The following DGKB variants were observed in gnomAD, a reference collection of about 807,000 sequenced individuals.
DGKB encodes the protein 90 kDa diacylglycerol kinase.
A neutral mutation model predicts 114.3 loss-of-function variants in DGKB; 67 were observed. The ratio of observed to expected loss-of-function variants is 0.59; its 90% confidence interval spans 0.48 to 0.72. The LOEUF (loss-of-function observed/expected upper bound fraction) is 0.72, where lower values mean the gene tolerates loss of function less well. Among genes scored for constraint, DGKB ranks in the 30% least tolerant of loss-of-function variants. DGKB has a pLI of 0.00. For synonymous variants in DGKB, 398 were observed against 323.1 expected (o/e 1.23, Z -2.49); for missense variants, 907 against 975.2 (o/e 0.93, Z 0.93).
At chr7:14,601,492 C>T (rs1803540240) in intron 17 of DGKB, among the ~76,000 whole-genome samples, 1 of 152,150 alleles carries the variant, frequency 6.6e-6, no homozygotes, top group South Asian at 2.1e-4. Context: ...ATCATAAACA[C>T]ATTTCTCTTT....
intron 2 of DGKB, among the ~76,000 whole-genome samples, chr7:14,759,918 T>A (rs1428081247): frequency 1.3e-5 from 2 of 152,202 alleles, no homozygotes; most frequent in African/African-American, 4.8e-5. Flanking sequence ...TTGCCAAAAC[T>A]TGTTATTTTC....
chr7:14,669,417 T>G (rs900636443), intron 13 of DGKB, among the ~76,000 whole-genome samples: 1 of 152,258 alleles, frequency 6.6e-6, no homozygotes, highest in African/African-American at 2.4e-5. Context: ...CTGTCAAGTG[T>G]CTACTGCCTC....
intron 25 of DGKB, among the ~76,000 whole-genome samples, chr7:14,158,697 T>C (rs1352538610): frequency 1.3e-5 from 2 of 152,182 alleles, no homozygotes; most frequent in Non-Finnish European, 2.9e-5. Context: ...TTTCTAACAA[T>C]GTGCTTAAGG....
chr7:14,449,188 G>C (rs1447012162), intron 21 of DGKB, among the ~76,000 whole-genome samples: 1 of 151,982 alleles, frequency 6.6e-6, no homozygotes, highest in Admixed American at 6.6e-5. Flanking sequence ...AACTCAGCAA[G>C]TAATTTTAGT....
intron 23 of DGKB, among the ~76,000 whole-genome samples, chr7:14,232,056 C>T (rs1380782320): frequency 1.3e-5 from 2 of 151,948 alleles, no homozygotes; most frequent in Admixed American, 1.3e-4. Context: ...TCCCGGTTTG[C>T]TAAGGACCAC....
At chr7:14,947,913 GTGA>G (rs545959421) in intron 1 of DGKB, among the ~76,000 whole-genome samples, 80 of 151,570 alleles carry the variant, frequency 5.3e-4, no homozygotes, top group Middle Eastern at 6.8e-3. Context: ...CCAAAATATT[GTGA>G]TGATTGAAAG....
intron 2 of DGKB, among the ~76,000 whole-genome samples, chr7:14,771,292 T>C (rs1355897853): frequency 3.9e-5 from 6 of 152,082 alleles, no homozygotes; most frequent in Admixed American, 1.3e-4. Context: ...TAATTTTCAG[T>C]TGGTCTGGTG....
intron 23 of DGKB, among the ~76,000 whole-genome samples, chr7:14,279,744 G>A (rs1178458626): frequency 6.6e-6 from 1 of 151,002 alleles, no homozygotes; most frequent in Non-Finnish European, 1.5e-5. Flanking sequence ...CTCCAGCAGG[G>A]GCACACTGAC....
At chr7:14,598,455 ATTAACTATTAATT>A (rs1802969133) in intron 17 of DGKB, among the ~76,000 whole-genome samples, 1 of 152,220 alleles carries the variant, frequency 6.6e-6, no homozygotes, top group African/African-American at 2.4e-5. Context: ...GGGGCAGAGA[ATTAACTATTAATT>A]TTAAAGCAGA....
At chr7:14,777,666 T>C (rs956231145) in intron 2 of DGKB, among the ~76,000 whole-genome samples, 1 of 152,294 alleles carries the variant, frequency 6.6e-6, no homozygotes, top group East Asian at 1.9e-4. Flanking sequence ...GAACTGTGAG[T>C]CCATTAAATC....
At chr7:14,736,853 A>G (rs770887935) in intron 4 of DGKB, among the ~76,000 whole-genome samples, 14 of 152,202 alleles carry the variant, frequency 9.2e-5, no homozygotes, top group Non-Finnish European at 2.1e-4. Flanking sequence ...AAGGTTCTCC[A>G]TGCCCATTAG....
At chr7:14,968,273 CTT>C (rs1562911408) in intron 1 of DGKB, among the ~76,000 whole-genome samples, 1 of 151,398 alleles carries the variant, frequency 6.6e-6, no homozygotes, top group East Asian at 1.9e-4. Flanking sequence ...TAGTTTCTAA[CTT>C]GAGGCTTTAG....
intron 20 of DGKB, among the ~76,000 whole-genome samples, chr7:14,527,482 G>T (rs1176056816): frequency 6.6e-6 from 1 of 151,914 alleles, no homozygotes; most frequent in Non-Finnish European, 1.5e-5. Context: ...CAAATTTCTG[G>T]CATAATAGCA....
At chr7:14,225,571 CT>C (rs968097888) in intron 23 of DGKB, among the ~76,000 whole-genome samples, 11 of 151,760 alleles carry the variant, frequency 7.2e-5, no homozygotes, top group African/African-American at 2.7e-4. Context: ...AATGTTTGTC[CT>C]TTTTTTATAG....
chr7:14,643,011 G>A (rs769683134), intron 13 of DGKB, among the ~76,000 whole-genome samples: 4 of 152,100 alleles, frequency 2.6e-5, no homozygotes, highest in Non-Finnish European at 4.4e-5. Flanking sequence ...GAGGAACCTA[G>A]CACTCATCTC....
chr7:14,307,101 A>G (rs1804604120), intron 23 of DGKB, among the ~76,000 whole-genome samples: 1 of 127,226 alleles, frequency 7.9e-6, no homozygotes, highest in Admixed American at 7.5e-5. Context: ...CCTTATTTCT[A>G]TTTGAATCTA....
intron 21 of DGKB, among the ~76,000 whole-genome samples, chr7:14,374,102 G>A (rs1038774397): frequency 3.3e-5 from 5 of 151,876 alleles, no homozygotes; most frequent in Non-Finnish European, 7.4e-5. Flanking sequence ...ATTTCACCCT[G>A]GCAAACTCAG....
In DGKB at chr7:14,543,386, G is replaced by A. The variant is rs553294923; in HGVS notation, c.1770+30826C>T. Among the ~76,000 whole-genome samples, 18 of 151,938 alleles carry A rather than the reference G, an allele frequency of 1.2e-4. No homozygotes were observed. The South Asian group carries it at 3.7e-3, about 32-fold the overall frequency. On this transcript the variant is annotated intron_variant, in intron 20 of 25. Coordinates refer to ENST00000402815, the MANE Select transcript of DGKB (RefSeq NM_001350709.2). ...CTGAACTTAGGGAGGTTGAGGCTGT[G>A]GTAAGCCATAATTGCACCACTGCAC...
intron 23 of DGKB, among the ~76,000 whole-genome samples, chr7:14,318,454 A>G (rs571683120): frequency 1.3e-5 from 2 of 152,140 alleles, no homozygotes; most frequent in Non-Finnish European, 2.9e-5. Context: ...AAAACAAACA[A>G]CCCCATCGAA....
Sources: gnomAD v4.1 joint callset for allele counts (sites outside exome capture counted in the v4.1 genomes callset) on GRCh38, gnomAD v4.1.1 for gene constraint, MANE v1.5 for transcripts, NCBI Gene and HGNC (gene_info 2026-07-23, HGNC 2026-07-21) for gene names.